The following SCIN variants were observed in gnomAD, a reference collection of about 807,000 sequenced individuals.
The protein encoded by SCIN is adseverin.
A neutral mutation model predicts 91.8 loss-of-function variants in SCIN; 91 were observed. That is an observed-to-expected ratio of 0.99 (90% CI 0.84 to 1.18). The LOEUF (loss-of-function observed/expected upper bound fraction) is 1.18, where lower values mean the gene tolerates loss of function less well. Ranked by LOEUF, SCIN falls within the 50% of genes most tolerant of loss-of-function variation. The probability of loss-of-function intolerance (pLI) is 0.00; values close to 1 mark genes in which losing one functional copy is unlikely to be tolerated. For missense variants in SCIN, 1,087 were observed against 863.9 expected (o/e 1.26, Z -3.24); for synonymous variants, 367 against 312.6 (o/e 1.17, Z -1.84).
At chr7:12,576,090 C>CAT (rs1782364135) in intron 1 of SCIN, among the ~76,000 whole-genome samples, 1 of 152,102 alleles carries the variant, frequency 6.6e-6, no homozygotes, top group Non-Finnish European at 1.5e-5. Context: ...CAGGTAAGGA[C>CAT]GTTTATGTCA....
chr7:12,572,007 G>A (rs11975856), intron 1 of SCIN, among the ~76,000 whole-genome samples: 9,240 of 152,210 alleles, frequency 0.061, 673 homozygotes, highest in African/African-American at 0.17. Flanking sequence ...TTATCCCTGA[G>A]CTTAGGAGGA....
At chr7:12,595,582 T>C (rs367963302) in intron 3 of SCIN, 1 of 151,498 alleles carries the variant, frequency 6.6e-6, no homozygotes, top group South Asian at 2.1e-4. Flanking sequence ...ATAGGGGCAA[T>C]GGTTGAGGGG....
At chr7:12,603,272 G>A (rs1297538298) in intron 3 of SCIN, among the ~76,000 whole-genome samples, 1 of 151,798 alleles carries the variant, frequency 6.6e-6, no homozygotes, top group Non-Finnish European at 1.5e-5. Flanking sequence ...AGCCTTCTGA[G>A]TAGCTGGGAC....
intron 1 of SCIN, chr7:12,577,855 CAAAAA>C: frequency 5.0e-6 from 2 of 402,276 alleles, no homozygotes; most frequent in Non-Finnish European, 8.8e-6. Flanking sequence ...CACCCTCTCT[CAAAAA>C]AAAAAAAAAT....
rs1240691123 is a variant in SCIN, at chr7:12,581,013, C to T, written c.355-47C>T. On this transcript the variant is annotated intron_variant, in intron 2 of 15. Coordinates refer to ENST00000297029, the MANE Select transcript of SCIN (RefSeq NM_001112706.3). ...TGCTTTGTCTAGGCAGACACCTCATCAGTTTTCTCTTTGTTTTTTGTGTGT... is the reference window on the plus strand; with the variant it reads ...TGCTTTGTCTAGGCAGACACCTCATTAGTTTTCTCTTTGTTTTTTGTGTGT... The T allele has an allele frequency of 3.9e-6, 6 of 1,532,492 alleles. 1 individual carries two copies. The highest frequency in any genetic ancestry group is 4.0e-5 in the Admixed American group (2 of 50,144). The allele number at this position is 1,532,492 out of a possible 1,614,324, so 94.9% of individuals were successfully genotyped here.
chr7:12,646,044 G>A (rs1783959808), intron 13 of SCIN, among the ~76,000 whole-genome samples: 2 of 152,088 alleles, frequency 1.3e-5, no homozygotes, highest in Non-Finnish European at 2.9e-5. Flanking sequence ...AAAATATTAT[G>A]GAAATATTAT....
intron 10 of SCIN, among the ~76,000 whole-genome samples, 154 bp from the exon 11 acceptor site, chr7:12,640,193 C>A (rs1410895096): frequency 3.3e-5 from 5 of 152,174 alleles, no homozygotes; most frequent in Non-Finnish European, 5.9e-5. Context: ...TTATCATTAA[C>A]CTATATGTTC....
chr7:12,571,982 C>T (rs1782281310), intron 1 of SCIN, among the ~76,000 whole-genome samples: 1 of 152,168 alleles, frequency 6.6e-6, no homozygotes, highest in Admixed American at 6.5e-5. Context: ...GCCCAGTACT[C>T]GTGTTTGTTT....
At chr7:12,641,762 T>C (rs748308800) in intron 11 of SCIN, among the ~76,000 whole-genome samples, 1 of 152,130 alleles carries the variant, frequency 6.6e-6, no homozygotes, top group African/African-American at 2.4e-5. Context: ...GGCCTATAGC[T>C]GAATCCATGA....
intron 9 of SCIN, among the ~76,000 whole-genome samples, chr7:12,633,631 C>T (rs2115283622): frequency 6.6e-6 from 1 of 152,210 alleles, no homozygotes; most frequent in South Asian, 2.1e-4. Flanking sequence ...AAAATGAAGA[C>T]AAAAGTTAGG....
At chr7:12,621,568 G>T (rs1253281208) in intron 4 of SCIN, among the ~76,000 whole-genome samples, 1 of 151,264 alleles carries the variant, frequency 6.6e-6, no homozygotes, top group African/African-American at 2.4e-5. Flanking sequence ...ATCTTTGATG[G>T]CTCTTACAAG....
intron 1 of SCIN, among the ~76,000 whole-genome samples, chr7:12,573,840 G>A (rs1255656899): frequency 1.3e-5 from 2 of 152,140 alleles, no homozygotes; most frequent in African/African-American, 2.4e-5. Context: ...CAGGCCTTGT[G>A]CAATGCCCTG....
In SCIN at chr7:12,655,120, T is replaced by C. The variant is rs1299698510; in HGVS notation, c.*2405T>C. 13 of 152,232 alleles carry C rather than the reference T, an allele frequency of 8.5e-5. No individual in the cohort carries two copies. Among genetic ancestry groups the C allele is most frequent in the Admixed American group, 7.2e-4 (11 of 15,278 alleles). The allele number at this position is 152,232 out of a possible 1,614,324, so 9.4% of individuals were successfully genotyped here. A position where few individuals can be genotyped will look rare whatever the true frequency, so the allele number is the denominator to read the frequency against. On this transcript the variant is annotated 3_prime_UTR_variant, in exon 16 of 16. Coordinates refer to ENST00000297029, the MANE Select transcript of SCIN (RefSeq NM_001112706.3). The stretch of plus-strand genomic sequence containing the variant: ...GCATAAAACCTATACCATTCTCCTG[T>C]ATACTCTAAGTCATCTCTGCGTTAC...
At chr7:12,604,747 CAG>C in intron 4 of SCIN, 84 bp downstream of exon 4, 1 of 1,150,454 alleles carries the variant, frequency 8.7e-7, no homozygotes, top group Non-Finnish European at 1.2e-6. Flanking sequence ...TGTAAGGCAG[CAG>C]GGTGGGGAAG....
In SCIN at chr7:12,627,047, A is replaced by G. The variant is rs1783540319; in HGVS notation, c.1197+248A>G. Among the ~76,000 whole-genome samples, 3 of 152,004 alleles carry G rather than the reference A, an allele frequency of 2.0e-5. No individual in the cohort carries two copies. The South Asian group carries it at 6.2e-4, about 32-fold the overall frequency. ...GGAGGCTGCAGTGAGCCAAGATCAT[A>G]ACACTGCACTCCAGCCTGGGTGACA... On this transcript the variant is annotated intron_variant, in intron 8 of 15. Coordinates refer to ENST00000297029, the MANE Select transcript of SCIN (RefSeq NM_001112706.3).
intron 3 of SCIN, among the ~76,000 whole-genome samples, chr7:12,595,247 G>A (rs1427542478): frequency 2.0e-5 from 3 of 152,194 alleles, no homozygotes; most frequent in Non-Finnish European, 4.4e-5. Context: ...GGGGCAGAGA[G>A]ACCCTGGGGT....
At chr7:12,644,807 G>C in intron 13 of SCIN, 102 bp downstream of exon 13, 2 of 1,184,240 alleles carry the variant, frequency 1.7e-6, no homozygotes, top group Non-Finnish European at 2.3e-6. Context: ...CCTGAGGTCA[G>C]GAGTTCGAGA....
intron 13 of SCIN, among the ~76,000 whole-genome samples, chr7:12,646,484 G>A (rs902098166): frequency 3.3e-5 from 5 of 152,142 alleles, no homozygotes; most frequent in African/African-American, 1.2e-4. Context: ...CTACTACCAT[G>A]CCATTGGAGG....
intron 3 of SCIN, chr7:12,596,448 C>T (rs1186031893): frequency 8.8e-6 from 4 of 456,206 alleles, no homozygotes; most frequent in East Asian, 7.0e-5. Flanking sequence ...CAGGAAATGG[C>T]CTCTTTCTGG....
Sources: gnomAD v4.1 joint callset for allele counts (sites outside exome capture counted in the v4.1 genomes callset) on GRCh38, gnomAD v4.1.1 for gene constraint, MANE v1.5 for transcripts, NCBI Gene and HGNC (gene_info 2026-07-23, HGNC 2026-07-21) for gene names.